NTN1: variants seen among roughly 807,000 people sequenced by gnomAD.
NTN1 encodes netrin-1.
A neutral mutation model predicts 54.2 loss-of-function variants in NTN1; 11 were observed. The ratio of observed to expected loss-of-function variants is 0.20; its 90% CI spans 0.13 to 0.34. The LOEUF (loss-of-function observed/expected upper bound fraction) is 0.34, where lower values mean the gene tolerates loss of function less well. Ranked by LOEUF, NTN1 falls within the 10% of genes least tolerant of loss-of-function variation. The pLI, the probability that NTN1 is intolerant of heterozygous loss-of-function variation, is 1.00. For missense variants in NTN1, 740 were observed against 893.1 expected (o/e 0.83, Z 2.18); for synonymous variants, 371 against 382.0 (o/e 0.97, Z 0.33).
chr17:9,163,235 C>T (rs943102093), intron 3 of NTN1, among the ~76,000 whole-genome samples: 7 of 147,574 alleles, frequency 4.7e-5, no homozygotes. Context: ...GTGATGGAGA[C>T]ATGGCTCAAA....
In NTN1 at chr17:9,083,093, G is replaced by A. The variant is rs561185878; in HGVS notation, c.1018+59702G>A. 1.5e-3 allele frequency among the ~76,000 whole-genome samples: 234 copies of A among 151,860 alleles called. 2 individuals carry two copies. The highest frequency in any genetic ancestry group is 5.5e-3 in the African/African-American group (227 of 41,436). ...CATTGGCCTTGGGGGGATTGTCCGT[G>A]GGTTTTTTTTTTCTTCTTCTTCTGA... On this transcript the variant is annotated intron_variant, in intron 2 of 6. Coordinates refer to ENST00000173229, the MANE Select transcript of NTN1 (RefSeq NM_004822.3).
intron 2 of NTN1, among the ~76,000 whole-genome samples, chr17:9,067,910 A>G (rs1431645933): frequency 6.6e-6 from 1 of 152,126 alleles, no homozygotes; most frequent in Non-Finnish European, 1.5e-5. Flanking sequence ...CTGCCTCCAT[A>G]GAGTTCAGAT....
At position 9,219,989 on chromosome 17, in the gene NTN1, G is replaced by A. The variant is rs1471977724; in HGVS notation, c.1412-1179G>A. Among the ~76,000 whole-genome samples, 4 of 152,184 alleles carry A rather than the reference G, an allele frequency of 2.6e-5. No homozygotes were observed. The highest frequency in any genetic ancestry group is 6.5e-5 in the Admixed American group (1 of 15,276). Reference sequence around the variant, plus strand: ...CCCCTGCAGCTCCCTGCAGCTCCCCGCTCCTCCCCGCTGGCCAGCCTGGCT... The same window carrying A: ...CCCCTGCAGCTCCCTGCAGCTCCCCACTCCTCCCCGCTGGCCAGCCTGGCT... On this transcript the variant is annotated intron_variant, in intron 5 of 6. Coordinates refer to ENST00000173229, the MANE Select transcript of NTN1 (RefSeq NM_004822.3). This position sits in a 1 kb window ranked among gnomAD's most constrained non-coding sequence, Gnocchi z 4.5.
chr17:9,138,614 C>T (rs992956342), intron 2 of NTN1, among the ~76,000 whole-genome samples: 11 of 152,234 alleles, frequency 7.2e-5, no homozygotes, highest in Non-Finnish European at 1.3e-4. Context: ...AATCCGTCTG[C>T]ACCTACTTAT....
At chr17:9,074,362 A>T (rs1223315606) in intron 2 of NTN1, among the ~76,000 whole-genome samples, 2 of 152,168 alleles carry the variant, frequency 1.3e-5, no homozygotes, top group Non-Finnish European at 2.9e-5. Flanking sequence ...CCTTGGGCTG[A>T]ACTCCTCACC....
intron 2 of NTN1, among the ~76,000 whole-genome samples, chr17:9,069,304 TA>T (rs373252100): frequency 8.7e-4 from 130 of 148,964 alleles, no homozygotes; most frequent in African/African-American, 2.4e-3. Context: ...CTATGGGAAT[TA>T]AAAAAAAAAG....
intron 5 of NTN1, among the ~76,000 whole-genome samples, chr17:9,214,185 T>C (rs1445357840): frequency 1.3e-5 from 2 of 152,212 alleles, no homozygotes; most frequent in African/African-American, 4.8e-5. Flanking sequence ...ATGCATTTCA[T>C]TTATTTTCAT....
chr17:9,056,919 C>T (rs1035795972), intron 2 of NTN1, among the ~76,000 whole-genome samples: 4 of 152,204 alleles, frequency 2.6e-5, no homozygotes, highest in African/African-American at 7.2e-5. Context: ...GTAAAGACAA[C>T]GCCTTTCGTG....
intron 2 of NTN1, among the ~76,000 whole-genome samples, chr17:9,039,223 T>C (rs2091913707): frequency 6.6e-6 from 1 of 152,220 alleles, no homozygotes; most frequent in South Asian, 2.1e-4. Context: ...TATTCTTGCT[T>C]GCTTGTTTCT....
rs371815697 is a variant in NTN1, at chr17:9,179,960, T to C, written c.1357+4T>C. ...TCTCCCATCGCCCCCTGCATAAGTA[T>C]GTGTGGGGCACCCTGCTTTTCAAGT... is the stretch of plus-strand genomic sequence containing the variant. On this transcript the variant is annotated splice_donor_region_variant and intron_variant, in intron 4 of 6. Transcript: ENST00000173229. 1.4e-5 allele frequency: 23 copies of C among 1,611,096 alleles called. No homozygotes were observed. The highest frequency in any genetic ancestry group is 1.9e-5 in the Non-Finnish European group (22 of 1,178,856).
the NTN1 span, among the ~76,000 whole-genome samples, chr17:9,013,443 C>T: frequency 2.0e-5 from 3 of 152,026 alleles, no homozygotes; most frequent in Non-Finnish European, 2.9e-5. Context: ...CTTGAACTCC[C>T]GACTTCAGGT....
At chr17:9,141,324 A>G (rs2092297124) in intron 2 of NTN1, among the ~76,000 whole-genome samples, 1 of 151,962 alleles carries the variant, frequency 6.6e-6, no homozygotes. Flanking sequence ...CATGAAAGGG[A>G]GGCAGCCCTG....
At chr17:9,195,761 A>C (rs552766350) in intron 5 of NTN1, among the ~76,000 whole-genome samples, 3 of 152,288 alleles carry the variant, frequency 2.0e-5, no homozygotes, top group Non-Finnish European at 1.5e-5. Context: ...GCCTGGCAGA[A>C]TCTTCACAGC....
upstream of NTN1, among the ~76,000 whole-genome samples, chr17:9,017,622 C>T (rs926075193): frequency 2.0e-5 from 3 of 152,198 alleles, no homozygotes; most frequent in Non-Finnish European, 4.4e-5. Context: ...GTGCCAGGAA[C>T]GGTGTTTCCG....
chr17:9,229,942 C>T (rs1905748667), intron 6 of NTN1, among the ~76,000 whole-genome samples: 1 of 152,034 alleles, frequency 6.6e-6, no homozygotes. Flanking sequence ...GGTCCTGGCT[C>T]AGCCCTTGTC....
At position 9,120,062 on chromosome 17, in the gene NTN1, C is replaced by T. The variant is rs976132851; in HGVS notation, c.1019-42751C>T. Among the ~76,000 whole-genome samples the T allele has an allele frequency of 8.5e-5, 13 of 152,074 alleles. No homozygotes were observed. In the East Asian group the frequency reaches 2.5e-3, roughly 29 times the overall value. On this transcript the variant is annotated intron_variant, in intron 2 of 6. Coordinates refer to ENST00000173229, the MANE Select transcript of NTN1 (RefSeq NM_004822.3). ...TTGGGAGACCGAGGCGGGTGGATCA[C>T]GAGGTCAGGAGTTCGAGACCATCCT...
At chr17:9,098,342 C>T (rs2092138934) in intron 2 of NTN1, among the ~76,000 whole-genome samples, 2 of 152,220 alleles carry the variant, frequency 1.3e-5, no homozygotes, top group African/African-American at 4.8e-5. Context: ...GCCAGGTGTC[C>T]TGGGAGGCAC....
intron 5 of NTN1, among the ~76,000 whole-genome samples, chr17:9,206,685 C>T (rs1567738713): frequency 6.6e-6 from 1 of 152,242 alleles, no homozygotes; most frequent in South Asian, 2.1e-4. Flanking sequence ...CTTCCTGGCT[C>T]CTCCTGTGAG....
rs2092364904 is a variant in NTN1, at chr17:9,163,490, A to G, written c.1207+489A>G. ...ACTCCCCCCCGAAACACACACACAC[A>G]CACACACACACACACACACACACAC... On this transcript the variant is annotated intron_variant, in intron 3 of 6. Transcript: ENST00000173229. Among the ~76,000 whole-genome samples, 9 of 15,338 alleles carry G rather than the reference A, an allele frequency of 5.9e-4. No individual in the cohort carries two copies. In the South Asian group the frequency reaches 0.012, roughly 21 times the overall value. 10.1% of individuals were successfully genotyped at this position (15,338 alleles called of 152,430 possible).
Sources: gnomAD v4.1 joint callset for allele counts (sites outside exome capture counted in the v4.1 genomes callset) on GRCh38, gnomAD v4.1.1 for gene constraint, Gnocchi (gnomAD v3.1) non-coding constraint, MANE v1.5 for transcripts, NCBI Gene and HGNC (gene_info 2026-07-23, HGNC 2026-07-21) for gene names.